Variants in CENPN observed in about 807,000 individuals in gnomAD.
The protein encoded by CENPN is interphase centromere complex protein 32.
Under a neutral mutation model 48.6 loss-of-function variants are expected in CENPN, and 36 were observed. The ratio of observed to expected loss-of-function variants is 0.74; its 90% CI spans 0.57 to 0.98. CENPN has a LOEUF of 0.98. CENPN is among the 50% of genes least tolerant of loss of function. The pLI is 0.00. For synonymous variants in CENPN, 166 were observed against 135.2 expected (o/e 1.23, Z -1.58); for missense variants, 439 against 399.2 (o/e 1.10, Z -0.85).
At chr16:81,017,475 A>T in intron 4 of CENPN, 90 bp downstream of exon 4, 2 of 863,878 alleles carry the variant, frequency 2.3e-6, no homozygotes, top group East Asian at 2.4e-5. Context: ...GCACCACTGC[A>T]CTCCAGCCTG....
Position 81,017,376 on chromosome 16 carries a change from A to G in CENPN, c.268A>G (p.Lys90Glu), listed in dbSNP as rs1350005455. The G allele has an allele frequency of 1.3e-6, 2 of 1,583,832 alleles. No individual in the cohort carries two copies. Among genetic ancestry groups the G allele is most frequent in the East Asian group, 4.5e-5 (2 of 44,688 alleles). The change falls in exon 4 of 11, where the codon AAA becomes GAA. Residue 90 changes from lysine (K) to glutamate (E), a missense_variant. Coordinates refer to ENST00000305850, the MANE Select transcript of CENPN (RefSeq NM_001100624.3). ...AGTTTGGGAAGTTTTTCAGATGAGT[A>G]AAGGACCAGGTAATATTTTCTGTTT... is the stretch of plus-strand genomic sequence containing the variant. ...QKVWEVFQMSKGPGEDVDLFD... is the reference protein window; with the variant it reads ...QKVWEVFQMSEGPGEDVDLFD...
intron 5 of CENPN, among the ~76,000 whole-genome samples, chr16:81,019,432 G>C (rs1438178235): frequency 2.0e-5 from 3 of 151,088 alleles, no homozygotes; most frequent in East Asian, 2.0e-4. Flanking sequence ...GTCCAGGTTG[G>C]TCTCAAAACT....
At chr16:81,010,268 T>G (rs1429918845) in intron 1 of CENPN, among the ~76,000 whole-genome samples, 1 of 152,148 alleles carries the variant, frequency 6.6e-6, no homozygotes, top group Non-Finnish European at 1.5e-5. Flanking sequence ...GAGAGAGAGA[T>G]GCTCACTGGT....
intron 5 of CENPN, among the ~76,000 whole-genome samples, chr16:81,019,047 G>A (rs1970055804): frequency 6.6e-6 from 1 of 152,184 alleles, no homozygotes; most frequent in Non-Finnish European, 1.5e-5. Flanking sequence ...GTGGATTCAA[G>A]GTAGTACCTC....
intron 1 of CENPN, among the ~76,000 whole-genome samples, chr16:81,008,397 A>C (rs934019850): frequency 2.0e-5 from 3 of 151,798 alleles, no homozygotes; most frequent in African/African-American, 4.8e-5. Flanking sequence ...TTTGAGACGG[A>C]GTCTTGCTTT....
chr16:81,026,746 A>G (rs1970516227), intron 9 of CENPN, 108 bp downstream of exon 9: 1 of 504,356 alleles, frequency 2.0e-6, no homozygotes, highest in Non-Finnish European at 3.6e-6. Context: ...TTCACTTGTC[A>G]CTTAAATTTC....
intron 3 of CENPN, among the ~76,000 whole-genome samples, chr16:81,016,003 C>G (rs1332423730): frequency 7.1e-6 from 1 of 140,982 alleles, no homozygotes; most frequent in African/African-American, 2.6e-5. Context: ...GACTCTGTCT[C>G]AAAAAAAAAA....
chr16:81,022,053 G>A (rs1444866358), intron 6 of CENPN, among the ~76,000 whole-genome samples: 33 of 152,020 alleles, frequency 2.2e-4, no homozygotes, highest in Admixed American at 2.1e-3. Flanking sequence ...GCCACTGCGC[G>A]GACTAATGTT....
intron 6 of CENPN, 132 bp from the exon 7 acceptor site, chr16:81,022,465 G>A (rs767680721): frequency 5.5e-6 from 4 of 730,640 alleles, no homozygotes; most frequent in Non-Finnish European, 9.0e-6. Context: ...GCTATCAGAT[G>A]TTTTTCTAGA....
chr16:81,009,345 G>A (rs1221587358), intron 1 of CENPN, among the ~76,000 whole-genome samples: 2 of 152,246 alleles, frequency 1.3e-5, no homozygotes, highest in African/African-American at 2.4e-5. Context: ...GAGAGAACAT[G>A]TGCAGGAAGA....
chr16:81,027,063 G>A (rs1035471568), intron 9 of CENPN, among the ~76,000 whole-genome samples: 1 of 152,096 alleles, frequency 6.6e-6, no homozygotes, highest in African/African-American at 2.4e-5. Flanking sequence ...CTCCCAAGGT[G>A]TTGGGATTAC....
At chr16:81,025,547 C>T (rs952961775) in intron 8 of CENPN, among the ~76,000 whole-genome samples, 9 of 152,028 alleles carry the variant, frequency 5.9e-5, no homozygotes, top group Non-Finnish European at 8.8e-5. Flanking sequence ...GTGTATCTTA[C>T]GATTCCAGTT....
chr16:81,019,017 G>C (rs189798936), intron 5 of CENPN, among the ~76,000 whole-genome samples: 44 of 152,250 alleles, frequency 2.9e-4, no homozygotes, highest in Admixed American at 2.2e-3. Context: ...GTTTGGAAAG[G>C]CCTGTATTTT....
chr16:81,008,496 C>T (rs1202073230), intron 1 of CENPN, among the ~76,000 whole-genome samples: 3 of 152,074 alleles, frequency 2.0e-5, no homozygotes, highest in Non-Finnish European at 4.4e-5. Flanking sequence ...CTCAGCCTCC[C>T]GAGTAGCTGG....
intron 4 of CENPN, 150 bp downstream of exon 4, chr16:81,017,535 C>G (rs1969982182): frequency 2.9e-6 from 2 of 696,536 alleles, no homozygotes; most frequent in Non-Finnish European, 5.0e-6. Flanking sequence ...GCAGTATGTT[C>G]CTCATTTCTT....
At chr16:81,011,226 T>C (rs145608261) in intron 1 of CENPN, among the ~76,000 whole-genome samples, 2,432 of 152,306 alleles carry the variant, frequency 0.016, 25 homozygotes, top group Non-Finnish European at 0.026. Flanking sequence ...CTCCTTCTCC[T>C]ACAAGGATTG....
Position 81,029,814 on chromosome 16 carries a change from A to G in CENPN, c.*1163A>G, listed in dbSNP as rs1020198470. Among the ~76,000 whole-genome samples the G allele has an allele frequency of 6.6e-6, 1 of 152,166 alleles. No individual in the cohort carries two copies. The highest frequency in any genetic ancestry group is 1.5e-5 in the Non-Finnish European group (1 of 68,032). On this transcript the variant is annotated 3_prime_UTR_variant, in exon 11 of 11. Coordinates refer to ENST00000305850, the MANE Select transcript of CENPN (RefSeq NM_001100624.3). Reference sequence around the variant, plus strand: ...GATCTCAAACTCCTGGGCTCAAGCAATCTGCCCATTTTAGCCTCCTAAAAT... The same window carrying G: ...GATCTCAAACTCCTGGGCTCAAGCAGTCTGCCCATTTTAGCCTCCTAAAAT...
chr16:81,028,914 G>C lies in CENPN; in HGVS notation c.*263G>C, dbSNP rs563261288. 75 of 1,129,020 alleles carry C rather than the reference G, an allele frequency of 6.6e-5. No homozygotes were observed. In the African/African-American group the frequency reaches 1.0e-3, roughly 16 times the overall value. 69.9% of individuals were successfully genotyped at this position (1,129,020 alleles called of 1,614,324 possible). On this transcript the variant is annotated 3_prime_UTR_variant, in exon 11 of 11. Coordinates refer to ENST00000305850, the MANE Select transcript of CENPN (RefSeq NM_001100624.3). Reference sequence around the variant, plus strand: ...TATATATGGCCCCACACTTGACCTTGAGTGCCTGAATGCTCTGAAATCAAG... The same window carrying C: ...TATATATGGCCCCACACTTGACCTTCAGTGCCTGAATGCTCTGAAATCAAG...
intron 1 of CENPN, among the ~76,000 whole-genome samples, chr16:81,010,723 T>C (rs932161614): frequency 2.0e-5 from 3 of 152,238 alleles, no homozygotes; most frequent in Non-Finnish European, 4.4e-5. Flanking sequence ...TCTCTCGCAG[T>C]CTTGGCCGTC....
Sources: gnomAD v4.1 joint callset for allele counts (sites outside exome capture counted in the v4.1 genomes callset) on GRCh38, gnomAD v4.1.1 for gene constraint, MANE v1.5 for transcripts, NCBI Gene and HGNC (gene_info 2026-07-23, HGNC 2026-07-21) for gene names.